The following TEX14 variants were observed in gnomAD, a reference collection of about 807,000 sequenced individuals.
TEX14 encodes testis expressed 14, intercellular bridge forming factor.
TEX14 carries 168 observed loss-of-function variants against 178.6 expected under a neutral mutation model. That is an observed-to-expected ratio of 0.94 (90% CI 0.83 to 1.07). TEX14 has a LOEUF of 1.07. TEX14 is among the 50% of genes least tolerant of loss of function. The probability of loss-of-function intolerance (pLI) is 0.00; values close to 1 mark genes in which losing one functional copy is unlikely to be tolerated. For synonymous variants in TEX14, 626 were observed against 634.1 expected (o/e 0.99, Z 0.19); for missense variants, 1,730 against 1,753.6 (o/e 0.99, Z 0.24).
In TEX14 at chr17:58,593,587, AC is replaced by A; in HGVS notation, c.2543del (p.Ser848IlefsTer55). 1 of 1,614,018 alleles carries A rather than the reference AC, an allele frequency of 6.2e-7. No individual in the cohort carries two copies. Among genetic ancestry groups the A allele is most frequent in the Non-Finnish European group, 8.5e-7 (1 of 1,179,970 alleles). The stretch of plus-strand genomic sequence containing the variant: ...TATTTTGGATCCTGCTTGTTTCCAA[AC>A]TGTCCTTGGCTCCTTGAGTGCACTG... ...QFQCTQGAKD[S>X]LETSRIQNTS... On this transcript the variant is annotated frameshift_variant, in exon 15 of 32. Coordinates refer to ENST00000349033, the MANE Select transcript of TEX14 (RefSeq NM_031272.5). LOFTEE classifies it high-confidence loss of function.
chr17:58,599,756 CAA>C (rs111881602), intron 13 of TEX14, 90 bp from the exon 14 acceptor site: 3,743 of 698,550 alleles, frequency 5.4e-3, no homozygotes, highest in Middle Eastern at 6.8e-3. Flanking sequence ...CAAAGACTGT[CAA>C]AAAAAAAAAA....
At chr17:58,582,991 A>G (rs1171694422) in intron 19 of TEX14, among the ~76,000 whole-genome samples, 1 of 136,686 alleles carries the variant, frequency 7.3e-6, no homozygotes, top group Non-Finnish European at 1.6e-5. Flanking sequence ...TTTTTTTGAG[A>G]CATGGTTTCA....
chr17:58,613,476 C>A lies in TEX14; in HGVS notation c.950G>T (p.Arg317Leu), dbSNP rs751804016. 2.5e-6 allele frequency: 4 copies of A among 1,613,886 alleles called. No homozygotes were observed. In the South Asian group the frequency reaches 3.3e-5, roughly 13 times the overall value. The change falls in exon 9 of 32, where the codon CGC (arginine) becomes CTC (leucine). Residue 317 changes from arginine to leucine, a missense_variant. This residue lies in a region of TEX14 where 789 missense variants were observed against 681.2 expected (regional missense o/e 1.16). Transcript: ENST00000349033. ...VCLSQDLEKT[R>L]LVYERITIGT... Reference sequence around the variant, plus strand: ...GATAGTGATGCGCTCGTACACAAGGCGGGTTTTCTCTAGGTCCTGGGAGAG... The same window carrying A: ...GATAGTGATGCGCTCGTACACAAGGAGGGTTTTCTCTAGGTCCTGGGAGAG...
chr17:58,625,154 C>T lies in TEX14; in HGVS notation c.252-2142G>A, dbSNP rs141609771. 5.7e-3 allele frequency among the ~76,000 whole-genome samples: 859 copies of T among 150,662 alleles called. 5 individuals carry two copies. The highest frequency in any genetic ancestry group is 9.1e-3 in the African/African-American group (375 of 41,054). On this transcript the variant is annotated intron_variant, in intron 3 of 31. Coordinates refer to ENST00000349033, the MANE Select transcript of TEX14 (RefSeq NM_031272.5). ...GTTTTTTTTTTTTCTTTTTTTGAGA[C>T]GAAGTCTCGCTCTTGTCCCCCAGGC... is the stretch of plus-strand genomic sequence containing the variant.
At chr17:58,653,563 AAGGAAGT>A (rs1351701213) in intron 1 of TEX14, among the ~76,000 whole-genome samples, 2 of 152,182 alleles carry the variant, frequency 1.3e-5, no homozygotes, top group Non-Finnish European at 2.9e-5. Context: ...TGTCATTATA[AAGGAAGT>A]AGGTCGTTAT....
intron 22 of TEX14, 131 bp downstream of exon 22, chr17:58,574,056 T>G: frequency 1.4e-6 from 1 of 718,254 alleles, no homozygotes; most frequent in South Asian, 1.7e-5. Flanking sequence ...AACTTTTTGG[T>G]GAAAGAAGCA....
chr17:58,589,637 C>A (rs1333889180), intron 15 of TEX14, among the ~76,000 whole-genome samples: 2 of 146,268 alleles, frequency 1.4e-5, no homozygotes, highest in Non-Finnish European at 3.0e-5. Context: ...TACTCTCCAG[C>A]TGGACCAGAA....
intron 1 of TEX14, among the ~76,000 whole-genome samples, chr17:58,672,180 G>A (rs1340292022): frequency 1.3e-5 from 2 of 152,134 alleles, no homozygotes; most frequent in Non-Finnish European, 2.9e-5. Context: ...TGATCTAACA[G>A]GAGGAGGTGC....
intron 15 of TEX14, among the ~76,000 whole-genome samples, chr17:58,591,473 G>A (rs772224349): frequency 2.0e-5 from 3 of 151,772 alleles, no homozygotes; most frequent in Non-Finnish European, 2.9e-5. Context: ...AGCCAATATC[G>A]CGCCATTGCA....
chr17:58,579,601 G>A, intron 20 of TEX14, 64 bp downstream of exon 20: 2 of 1,398,552 alleles, frequency 1.4e-6, no homozygotes, highest in Middle Eastern at 1.8e-4. Context: ...CTAAACATCT[G>A]TGATCCAACA....
At chr17:58,559,966 C>T (rs2144322529) in intron 29 of TEX14, among the ~76,000 whole-genome samples, 1 of 152,124 alleles carries the variant, frequency 6.6e-6, no homozygotes, top group East Asian at 1.9e-4. Context: ...CTTTCAAAAC[C>T]ATCATTTATT....
chr17:58,621,743 A>G lies in TEX14; in HGVS notation c.461T>C (p.Ile154Thr). Residue 154 changes from isoleucine (I) to threonine (T), a missense_variant, in exon 5 of 32, where the codon ATC (isoleucine) becomes ACC (threonine). By Grantham distance (89) the Ile-to-Thr change is moderately conservative (BLOSUM62 -1). Coordinates refer to ENST00000349033, the MANE Select transcript of TEX14 (RefSeq NM_031272.5). ...MQRCASHMQA[I>T]IQGFSYDLLK... ...GAGGTCGTAAGAGAAGCCCTGGATG[A>G]TGGCCTGCATGTGTGAGGCACAGCG... The G allele has an allele frequency of 6.2e-7, 1 of 1,614,214 alleles. No individual in the cohort carries two copies. Among genetic ancestry groups the G allele is most frequent in the Middle Eastern group, 1.6e-4 (1 of 6,062 alleles).
At chr17:58,670,771 T>TC (rs1598432610) in intron 1 of TEX14, among the ~76,000 whole-genome samples, 896 of 7,936 alleles carry the variant, frequency 0.11, 328 homozygotes, top group South Asian at 0.17. Flanking sequence ...AGACTCCCTC[T>TC]TAAAAAAAAA....
At chr17:58,635,843 T>C (rs2046423623) in intron 2 of TEX14, among the ~76,000 whole-genome samples, 1 of 152,058 alleles carries the variant, frequency 6.6e-6, no homozygotes, top group Non-Finnish European at 1.5e-5. Context: ...TCCAGCGGGT[T>C]CAAGCGATTC....
chr17:58,586,222 C>T lies in TEX14; in HGVS notation c.2789-140G>A. On this transcript the variant is annotated intron_variant, in intron 17 of 31. Transcript: ENST00000349033. Reference sequence around the variant, plus strand: ...TTACAGTTGCATCATCCTTAGCTTGCCCTGTTTGGCTTGAATGGGAGGTCA... The same window carrying T: ...TTACAGTTGCATCATCCTTAGCTTGTCCTGTTTGGCTTGAATGGGAGGTCA... 5 of 947,710 alleles carry T rather than the reference C, an allele frequency of 5.3e-6. No homozygotes were observed. The South Asian group carries it at 9.5e-5, about 18-fold the overall frequency. 58.7% of individuals were successfully genotyped at this position (947,710 alleles called of 1,614,324 possible). A position where few individuals can be genotyped will look rare whatever the true frequency, so the allele number is the denominator to read the frequency against.
At chr17:58,679,053 C>G (rs2047443573) in intron 1 of TEX14, among the ~76,000 whole-genome samples, 1 of 151,842 alleles carries the variant, frequency 6.6e-6, no homozygotes, top group African/African-American at 2.4e-5. Context: ...ACTCAAGAGG[C>G]TGAGGCAGGA....
At chr17:58,619,101 TG>T (rs1430694000) in intron 5 of TEX14, among the ~76,000 whole-genome samples, 1 of 152,208 alleles carries the variant, frequency 6.6e-6, no homozygotes, top group Non-Finnish European at 1.5e-5. Flanking sequence ...GTGCTGACAG[TG>T]AGGGTGTCAG....
chr17:58,607,993 G>A (rs1567732524), intron 10 of TEX14, among the ~76,000 whole-genome samples: 1 of 152,140 alleles, frequency 6.6e-6, no homozygotes, highest in African/African-American at 2.4e-5. Context: ...CCCACCCACA[G>A]AAAAGAAGGC....
rs2044494487 is a variant in TEX14, at chr17:58,570,414, TG to T, written c.3787del (p.His1263MetfsTer11). 1.3e-6 allele frequency: 2 copies of T among 1,519,752 alleles called. No individual in the cohort carries two copies. Among genetic ancestry groups the T allele is most frequent in the South Asian group, 1.3e-5 (1 of 74,850 alleles). The allele number at this position is 1,519,752 out of a possible 1,614,324, so 94.1% of individuals were successfully genotyped here. A position where few individuals can be genotyped will look rare whatever the true frequency, so the allele number is the denominator to read the frequency against. ...LVKACDSSPP[H>X]ATQRRSLPKV... ...AGGCAGGCTCCTTCTCTGGGTGGCA[TG>T]GGGTGGTGATGAGTCACATGCCTTA... On this transcript the variant is annotated frameshift_variant, in exon 25 of 32. Transcript: ENST00000349033. LOFTEE classifies it high-confidence loss of function.
Sources: allele counts gnomAD v4.1 joint callset (sites outside exome capture counted in the v4.1 genomes callset), GRCh38; gene constraint gnomAD v4.1.1; regional missense constraint gnomAD v4.1.1; transcripts MANE v1.5; gene names NCBI Gene and HGNC (gene_info 2026-07-23, HGNC 2026-07-21).